The following SLC25A25 variants were observed in gnomAD, a reference collection of about 807,000 sequenced individuals.
SLC25A25 encodes solute carrier family 25 member 25.
A neutral mutation model predicts 57.7 loss-of-function variants in SLC25A25; 32 were observed. That is an observed-to-expected ratio of 0.55 (90% CI 0.42 to 0.74). SLC25A25 has a LOEUF of 0.74. Among genes scored for constraint, SLC25A25 ranks in the 30% least tolerant of loss-of-function variants. SLC25A25 has a pLI of 0.00. For synonymous variants in SLC25A25, 306 were observed against 291.2 expected (o/e 1.05, Z -0.52); for missense variants, 556 against 701.3 (o/e 0.79, Z 2.34).
At position 128,101,295 on chromosome 9, in the gene SLC25A25, C is replaced by G. The variant is rs1833784438; in HGVS notation, c.389-14C>G. On this transcript the variant is annotated splice_polypyrimidine_tract_variant and intron_variant, in intron 2 of 10. Coordinates refer to ENST00000373069, the MANE Select transcript of SLC25A25 (RefSeq NM_001330988.2). The surrounding 1 kb of genome is among the most constrained non-coding windows in gnomAD (Gnocchi z 4.9). ...CGTGCGCCTGGCTCCTGCTCACGGC[C>G]TCTGTTCTTGCAGGACGCATTGACG... The G allele has an allele frequency of 6.2e-7, 1 of 1,614,142 alleles. No individual in the cohort carries two copies. Among genetic ancestry groups the G allele is most frequent in the African/African-American group, 1.3e-5 (1 of 74,954 alleles).
intron 1 of SLC25A25, among the ~76,000 whole-genome samples, chr9:128,080,458 A>G (rs1274343413): frequency 6.7e-6 from 1 of 148,152 alleles, no homozygotes; most frequent in African/African-American, 2.5e-5. Context: ...GCTATGGTAC[A>G]CACCTTCATC....
chr9:128,106,032 CGAGTTCCTTA>C, intron 7 of SLC25A25, 108 bp from the exon 8 acceptor site: 1 of 1,535,098 alleles, frequency 6.5e-7, no homozygotes, highest in Non-Finnish European at 8.9e-7. Context: ...AGGCTCACCA[CGAGTTCCTTA>C]CATTTCTGGG....
chr9:128,081,789 G>A (rs116606381), intron 1 of SLC25A25, among the ~76,000 whole-genome samples: 1,855 of 152,070 alleles, frequency 0.012, 50 homozygotes, highest in African/African-American at 0.042. Flanking sequence ...AAATTAGCCA[G>A]GCATGCCTGT....
chr9:128,098,054 G>T (rs551248025), intron 1 of SLC25A25, among the ~76,000 whole-genome samples: 1 of 152,326 alleles, frequency 6.6e-6, no homozygotes, highest in South Asian at 2.1e-4. Flanking sequence ...AACTGGGCCC[G>T]TTTGCAGTGG....
At chr9:128,079,359 C>T (rs1427829976) in intron 1 of SLC25A25, among the ~76,000 whole-genome samples, 2 of 133,692 alleles carry the variant, frequency 1.5e-5, no homozygotes, top group African/African-American at 5.6e-5. Flanking sequence ...GAACCGCCTA[C>T]ATTGTGTAAG....
rs1834103020 is a variant in SLC25A25 at position 128,107,520 on chromosome 9, G to A, written c.*76G>A. 6.8e-7 allele frequency: 1 copy of A among 1,466,334 alleles called. No homozygotes were observed. The highest frequency in any genetic ancestry group is 1.5e-5 in the South Asian group (1 of 68,604). The allele number at this position is 1,466,334 out of a possible 1,614,324, so 90.8% of individuals were successfully genotyped here. On this transcript the variant is annotated 3_prime_UTR_variant, in exon 11 of 11. Transcript: ENST00000373069. ...GGGGTGTGCAGCCATCTCATTCTGT[G>A]AATGTGCCAACACTAAGCTGTCTCG...
intron 1 of SLC25A25, among the ~76,000 whole-genome samples, chr9:128,096,273 C>T (rs1339473520): frequency 6.6e-6 from 1 of 152,134 alleles, no homozygotes; most frequent in African/African-American, 2.4e-5. Flanking sequence ...CTTTGGGAGG[C>T]CAAGGCAGGC....
At chr9:128,075,721 G>C (rs1247028444) in intron 1 of SLC25A25, among the ~76,000 whole-genome samples, 1 of 151,432 alleles carries the variant, frequency 6.6e-6, no homozygotes, top group Non-Finnish European at 1.5e-5. Flanking sequence ...GTGTGCACCA[G>C]TAATCCCAGC....
chr9:128,083,469 C>G (rs888773076), intron 1 of SLC25A25, among the ~76,000 whole-genome samples: 1 of 151,034 alleles, frequency 6.6e-6, no homozygotes, highest in Non-Finnish European at 1.5e-5. Flanking sequence ...ACTCTTCCCT[C>G]TCATGGCTTC....
intron 1 of SLC25A25, among the ~76,000 whole-genome samples, chr9:128,069,616 T>G (rs1832856142): frequency 6.6e-6 from 1 of 152,192 alleles, no homozygotes; most frequent in Non-Finnish European, 1.5e-5. Flanking sequence ...TACATAGGTG[T>G]TGTTAACTCA....
chr9:128,101,940 G>A lies in SLC25A25; in HGVS notation c.477-140G>A. On this transcript the variant is annotated intron_variant, in intron 3 of 10. Coordinates refer to ENST00000373069, the MANE Select transcript of SLC25A25 (RefSeq NM_001330988.2). This position sits in a 1 kb window ranked among gnomAD's most constrained non-coding sequence, Gnocchi z 4.9. ...CTGGTCCTCGGGGACAGCAGCCCTG[G>A]GCTCAGCTGCTGTGGCGGGCTCGTC... 1 of 971,352 alleles carries A rather than the reference G, an allele frequency of 1.0e-6. No individual in the cohort carries two copies. The highest frequency in any genetic ancestry group is 1.6e-6 in the Non-Finnish European group (1 of 633,230). 60.2% of individuals were successfully genotyped at this position (971,352 alleles called of 1,614,324 possible).
Position 128,106,158 on chromosome 9 carries a change from C to T in SLC25A25, c.945C>T (p.Arg315=), listed in dbSNP as rs944869768. 3 of 1,614,102 alleles carry T rather than the reference C, an allele frequency of 1.9e-6. No individual in the cohort carries two copies. In the African/African-American group the frequency reaches 4.0e-5, roughly 22 times the overall value. The change falls in exon 8 of 11, where the codon CGC becomes CGT. Residue 315 remains arginine, a synonymous_variant. Transcript: ENST00000373069. Reference sequence around the variant, plus strand: ...TTTGTTCCTGGTTCTAGATCAAGCGCCTTGTTGGTAGTGACCAGGAGACTC... The same window carrying T: ...TTTGTTCCTGGTTCTAGATCAAGCGTCTTGTTGGTAGTGACCAGGAGACTC... ...IKFMAYEQIK[R]LVGSDQETLR...
rs769178407 is a variant in SLC25A25, at chr9:128,101,890, G to T, written c.477-190G>T. Among the ~76,000 whole-genome samples the T allele has an allele frequency of 6.6e-6, 1 of 152,168 alleles. No homozygotes were observed. The highest frequency in any genetic ancestry group is 2.4e-5 in the African/African-American group (1 of 41,432). The stretch of plus-strand genomic sequence containing the variant: ...GCCGTCTGTCCTGGCTGGACCTTCC[G>T]GAAACCCTGCGGTCTGAACACTGGC... On this transcript the variant is annotated intron_variant, in intron 3 of 10. Transcript: ENST00000373069. This position sits in a 1 kb window ranked among gnomAD's most constrained non-coding sequence, Gnocchi z 4.9.
intron 1 of SLC25A25, chr9:128,098,403 G>C: frequency 1.5e-6 from 2 of 1,343,792 alleles, no homozygotes; most frequent in Non-Finnish European, 1.9e-6. Context: ...AGGACTTGCC[G>C]TGGGAGGGCT....
chr9:128,084,825 T>C (rs201846224), intron 1 of SLC25A25, among the ~76,000 whole-genome samples: 1 of 152,190 alleles, frequency 6.6e-6, no homozygotes, highest in East Asian at 1.9e-4. Flanking sequence ...TTGTCTAGAT[T>C]CTTAGAACAG....
At chr9:128,088,391 C>A (rs1833324791) in intron 1 of SLC25A25, among the ~76,000 whole-genome samples, 1 of 152,188 alleles carries the variant, frequency 6.6e-6, no homozygotes, top group Non-Finnish European at 1.5e-5. Context: ...TCCCTGGGGA[C>A]CCTTGGGGGA....
rs748993656 is a variant in SLC25A25, at chr9:128,102,892, C to T, written c.624+411C>T. Among the ~76,000 whole-genome samples, 4 of 152,220 alleles carry T rather than the reference C, an allele frequency of 2.6e-5. No homozygotes were observed. Among genetic ancestry groups the T allele is most frequent in the Admixed American group, 6.5e-5 (1 of 15,280 alleles). On this transcript the variant is annotated intron_variant, in intron 5 of 10. Transcript: ENST00000373069. The surrounding 1 kb of genome is among the most constrained non-coding windows in gnomAD (Gnocchi z 4.1). ...CCTAGGCAGAGCTGTGAGGTGTCCC[C>T]ACGGTCACACATTTGCTGCCCTCTC...
rs1428978998 is a variant in SLC25A25, at chr9:128,102,529, G to A, written c.624+48G>A. The A allele has an allele frequency of 6.7e-7, 1 of 1,500,290 alleles. No individual in the cohort carries two copies. The highest frequency in any genetic ancestry group is 1.4e-5 in the African/African-American group (1 of 72,322). The allele number at this position is 1,500,290 out of a possible 1,614,324, so 92.9% of individuals were successfully genotyped here. ...CCTCATCTGCTCCCAGGGACCCTTA[G>A]CCCAGAGTCACCCAGTCGTCCCCAT... On this transcript the variant is annotated intron_variant, in intron 5 of 10. Coordinates refer to ENST00000373069, the MANE Select transcript of SLC25A25 (RefSeq NM_001330988.2). This position sits in a 1 kb window ranked among gnomAD's most constrained non-coding sequence, Gnocchi z 4.1.
intron 1 of SLC25A25, among the ~76,000 whole-genome samples, chr9:128,080,259 AAC>A (rs1833122613): frequency 9.7e-6 from 1 of 103,030 alleles, no homozygotes; most frequent in South Asian, 2.9e-4. Context: ...ACAAAAAAAA[AAC>A]CCACAAAAAA....
Sources: allele counts gnomAD v4.1 joint callset (sites outside exome capture counted in the v4.1 genomes callset), GRCh38; gene constraint gnomAD v4.1.1; non-coding constraint Gnocchi (gnomAD v3.1); transcripts MANE v1.5; gene names NCBI Gene and HGNC (gene_info 2026-07-23, HGNC 2026-07-21).